Variants in CEP72 observed in about 807,000 individuals in gnomAD.
The protein encoded by CEP72 is centrosomal protein 72, also known as centrosomal protein of 72 kDa.
A neutral mutation model predicts 65.7 loss-of-function variants in CEP72; 78 were observed. The ratio of observed to expected loss-of-function variants is 1.19; its 90% CI spans 0.99 to 1.43. CEP72 has a LOEUF of 1.43. CEP72 is among the 40% of genes most tolerant of loss of function. The pLI, the probability that CEP72 is intolerant of heterozygous loss-of-function variation, is 0.00. For synonymous variants in CEP72, 358 were observed against 351.7 expected, an observed-to-expected ratio of 1.02 and a Z score of -0.20; for missense variants, 914 against 832.9, an observed-to-expected ratio of 1.10 and a Z score of -1.20.
In CEP72 at chr5:640,562, G is replaced by A. The variant is rs1188390434; in HGVS notation, c.1497G>A (p.Met499Ile). 1.2e-6 allele frequency: 2 copies of A among 1,613,812 alleles called. No homozygotes were observed. Among genetic ancestry groups the A allele is most frequent in the African/African-American group, 2.7e-5 (2 of 74,950 alleles). Residue 499 changes from methionine to isoleucine, a missense_variant, in exon 9 of 12, where the codon ATG becomes ATA. Physicochemically the swap from Met to Ile is conservative, Grantham distance 10. Transcript: ENST00000264935. ...AGCAGCAGCAGCACGCCCGGGAGATGAGCGAGGTGACGGCGGAGCTGCACC... is the reference window on the plus strand; with the variant it reads ...AGCAGCAGCAGCACGCCCGGGAGATAAGCGAGGTGACGGCGGAGCTGCACC... ...AEQQQQHARE[M>I]SEVTAELHHT...
chr5:653,054 C>G lies in CEP72; in HGVS notation c.1845C>G (p.Ala615=). Residue 615 remains alanine, a synonymous_variant, in exon 12 of 12, where the codon GCC becomes GCG. Coordinates refer to ENST00000264935, the MANE Select transcript of CEP72 (RefSeq NM_018140.4). ...ELSQVRAQHR[A]EVEQMHWSYQ... ...GCCAGGTGCGGGCGCAGCACAGAGCCGAGGTGGAGCAGATGCACTGGAGCT... is the reference window on the plus strand; with the variant it reads ...GCCAGGTGCGGGCGCAGCACAGAGCGGAGGTGGAGCAGATGCACTGGAGCT... The G allele has an allele frequency of 6.2e-7, 1 of 1,613,862 alleles. No homozygotes were observed. The highest frequency in any genetic ancestry group is 8.5e-7 in the Non-Finnish European group (1 of 1,180,000).
chr5:664,337 T>G (rs1739807407), intron 2 of CEP72: 1 of 152,420 alleles, frequency 6.6e-6, no homozygotes. Context: ...TCTGAGAACA[T>G]AGGCAGCCAC....
downstream of CEP72, chr5:659,820 T>A (rs751594398): frequency 4.6e-5 from 7 of 152,434 alleles, no homozygotes; most frequent in Non-Finnish European, 7.3e-5. Flanking sequence ...TATCCCCTGT[T>A]ATCACCTGTT....
chr5:672,107 G>A (rs1484444718), downstream of CEP72, among the ~76,000 whole-genome samples: 1 of 152,248 alleles, frequency 6.6e-6, no homozygotes, highest in East Asian at 1.9e-4. Context: ...CTGGGAGGTG[G>A]TTGGGTTGGC....
intron 4 of CEP72, among the ~76,000 whole-genome samples, chr5:628,443 C>G (rs866886460): frequency 6.7e-6 from 1 of 149,566 alleles, no homozygotes; most frequent in African/African-American, 2.5e-5. Flanking sequence ...GCCCCAGGAC[C>G]CAGCGCCCTT....
chr5:663,264 C>T (rs1170965130), intron 1 of CEP72: 3 of 152,394 alleles, frequency 2.0e-5, no homozygotes, highest in Non-Finnish European at 2.9e-5. Context: ...TGTTTCCGCA[C>T]GTTAGTTCTG....
downstream of CEP72, among the ~76,000 whole-genome samples, chr5:668,191 G>C (rs77670109): frequency 4.1e-4 from 40 of 97,332 alleles, no homozygotes; most frequent in African/African-American, 8.5e-4. Flanking sequence ...CCGCGTGGGC[G>C]CCGTCAGGGA....
intron 4 of CEP72, among the ~76,000 whole-genome samples, chr5:632,873 G>T (rs1737292312): frequency 2.1e-5 from 2 of 95,058 alleles, no homozygotes; most frequent in Non-Finnish European, 4.1e-5. Flanking sequence ...GTGGGGTTCT[G>T]TCCAGTGCCG....
Position 639,215 on chromosome 5 carries a change from G to A in CEP72, c.1333G>A (p.Ala445Thr). ...GGCRSLHSNEAFLAQARHILS... is the reference protein window; with the variant it reads ...GGCRSLHSNETFLAQARHILS... The stretch of plus-strand genomic sequence containing the variant: ...CTGCAGGTCCCTGCACAGCAACGAG[G>A]CATTCCTTGGTGAGTCAGGGCGGCC... The change falls in exon 8 of 12, where the codon GCA (alanine) becomes ACA (threonine). Residue 445 changes from alanine (A) to threonine (T), a missense_variant. Physicochemically the swap from Ala to Thr is moderately conservative, Grantham distance 58. Transcript: ENST00000264935. 1 of 1,577,618 alleles carries A rather than the reference G, an allele frequency of 6.3e-7. No individual in the cohort carries two copies. The highest frequency in any genetic ancestry group is 8.6e-7 in the Non-Finnish European group (1 of 1,157,116).
intron 11 of CEP72, among the ~76,000 whole-genome samples, chr5:652,188 G>C (rs1739154900): frequency 6.6e-6 from 1 of 152,224 alleles, no homozygotes; most frequent in Non-Finnish European, 1.5e-5. Flanking sequence ...TTCTCCTTGA[G>C]CACTGTGGCC....
rs1736600399 is a variant in CEP72, at chr5:624,435, GC to G, written c.404-34del. On this transcript the variant is annotated intron_variant, in intron 3 of 11. Coordinates refer to ENST00000264935, the MANE Select transcript of CEP72 (RefSeq NM_018140.4). The surrounding 1 kb of genome is among the most constrained non-coding windows in gnomAD (Gnocchi z 4.7). ...GGGTGGATGCAGCCGCCCGCCGCTT[GC>G]CACCTGCACAGTCTTGTGTGGCCTT... is the stretch of plus-strand genomic sequence containing the variant. 1 of 1,538,414 alleles carries G rather than the reference GC, an allele frequency of 6.5e-7. No homozygotes were observed. The highest frequency in any genetic ancestry group is 1.7e-5 in the Admixed American group (1 of 59,838).
Position 620,272 on chromosome 5 carries a change from G to C in CEP72, c.403+11G>C, listed in dbSNP as rs1736299846. On this transcript the variant is annotated intron_variant, in intron 3 of 11. Coordinates refer to ENST00000264935, the MANE Select transcript of CEP72 (RefSeq NM_018140.4). ...AGCTCCAGCAGCTGGGTAGGCATCAGGCAGGGCCACGCTCATGCTTTTGTC... is the reference window on the plus strand; with the variant it reads ...AGCTCCAGCAGCTGGGTAGGCATCACGCAGGGCCACGCTCATGCTTTTGTC... 1 of 1,611,018 alleles carries C rather than the reference G, an allele frequency of 6.2e-7. No individual in the cohort carries two copies. Among genetic ancestry groups the C allele is most frequent in the Non-Finnish European group, 8.5e-7 (1 of 1,177,414 alleles).
At chr5:622,562 C>T (rs1736460943) in intron 3 of CEP72, among the ~76,000 whole-genome samples, 1 of 152,272 alleles carries the variant, frequency 6.6e-6, no homozygotes, top group Admixed American at 6.5e-5. Context: ...AGTGCTGGGC[C>T]CTGGACAGGC....
chr5:632,883 G>A (rs1202618288), intron 4 of CEP72, among the ~76,000 whole-genome samples: 26 of 99,368 alleles, frequency 2.6e-4, no homozygotes, highest in African/African-American at 5.1e-4. Context: ...GTCCAGTGCC[G>A]GGATTTGGAC....
At chr5:643,000 C>A (rs946237710) in intron 9 of CEP72, 4 of 985,476 alleles carry the variant, frequency 4.1e-6, no homozygotes, top group Non-Finnish European at 3.6e-6. Context: ...ATGGGCTGCG[C>A]CCAGCTTGGG....
At chr5:653,899 G>T (rs944981672), downstream of CEP72, among the ~76,000 whole-genome samples, 1 of 152,182 alleles carries the variant, frequency 6.6e-6, no homozygotes, top group African/African-American at 2.4e-5. Context: ...TTTAAATGAC[G>T]TTCAACTGAT....
chr5:666,140 G>GACTTAGGGCACAGGCA (rs1739901729), intron 4 of CEP72: 3 of 1,606,178 alleles, frequency 1.9e-6, no homozygotes, highest in South Asian at 1.1e-5. Flanking sequence ...GGGCACAGGC[G>GACTTAGGGCACAGGCA]ACTTAGGGCT....
At chr5:665,362 G>T (rs1739853210) in intron 3 of CEP72, 1 of 1,490,570 alleles carries the variant, frequency 6.7e-7, no homozygotes, top group Non-Finnish European at 9.1e-7. Context: ...CAAGTGAAAT[G>T]GCTGTGCCCT....
downstream of CEP72, chr5:659,837 A>G (rs962518173): frequency 6.6e-6 from 1 of 152,376 alleles, no homozygotes; most frequent in Non-Finnish European, 1.5e-5. Context: ...TGTTACAGAC[A>G]CGTGTGCTCT....
Sources: gnomAD v4.1 joint callset for allele counts (sites outside exome capture counted in the v4.1 genomes callset) on GRCh38, gnomAD v4.1.1 for gene constraint, Gnocchi (gnomAD v3.1) non-coding constraint, MANE v1.5 for transcripts, NCBI Gene and HGNC (gene_info 2026-07-23, HGNC 2026-07-21) for gene names.